Variants in GSE1 observed in about 807,000 individuals in gnomAD.
GSE1 encodes the protein Gse1 coiled-coil protein, also known as genetic suppressor element 1.
Under a neutral mutation model 112.6 loss-of-function variants are expected in GSE1, and 32 were observed. The observed-to-expected ratio is 0.28, with a 90% CI of 0.21 to 0.38. GSE1 has a LOEUF of 0.38. GSE1 is among the 10% of genes least tolerant of loss of function. The pLI is 1.00. For synonymous variants in GSE1, 1,115 were observed against 735.6 expected (o/e 1.52, Z -8.35); for missense variants, 2,348 against 1,699.2 (o/e 1.38, Z -6.71).
intron 1 of GSE1, among the ~76,000 whole-genome samples, chr16:85,294,649 C>G (rs367924912): frequency 8.5e-5 from 10 of 118,258 alleles, no homozygotes; most frequent in African/African-American, 1.8e-4. Flanking sequence ...CTCTCTCTCT[C>G]TCTCTCTCTG....
At chr16:85,268,584 GT>G (rs1267929699) in intron 1 of GSE1, among the ~76,000 whole-genome samples, 2 of 152,162 alleles carry the variant, frequency 1.3e-5, no homozygotes, top group Admixed American at 6.5e-5. Flanking sequence ...ATTAAACCCT[GT>G]CTGGCCATAA....
chr16:85,418,083 C>T (rs28497196), intron 2 of GSE1, among the ~76,000 whole-genome samples: 15,478 of 152,228 alleles, frequency 0.1, 1,128 homozygotes, highest in East Asian at 0.32. Flanking sequence ...GTGATCCACC[C>T]GCCTCAGCCT....
intron 1 of GSE1, among the ~76,000 whole-genome samples, chr16:85,263,017 A>C (rs1172225950): frequency 2.6e-5 from 4 of 152,228 alleles, no homozygotes. Flanking sequence ...AGGAATAGAT[A>C]AATAACACAC....
intron 1 of GSE1, among the ~76,000 whole-genome samples, chr16:85,173,200 A>G (rs554677507): frequency 2.8e-4 from 43 of 152,362 alleles, no homozygotes; most frequent in African/African-American, 1.0e-3. Context: ...GTTCCTTACC[A>G]TGGCGCTGCG....
intron 2 of GSE1, among the ~76,000 whole-genome samples, chr16:85,466,769 G>A (rs1203766460): frequency 6.6e-6 from 1 of 152,140 alleles, no homozygotes; most frequent in African/African-American, 2.4e-5. Flanking sequence ...GAAAGGAAGG[G>A]AGGAAGATGG....
chr16:85,245,705 C>A (rs545536512), intron 1 of GSE1, among the ~76,000 whole-genome samples: 13 of 152,196 alleles, frequency 8.5e-5, no homozygotes, highest in African/African-American at 2.2e-4. Context: ...AGATTGGGGA[C>A]CTTTAATAGA....
chr16:85,330,459 TC>T, intron 1 of GSE1, among the ~76,000 whole-genome samples: 1 of 152,178 alleles, frequency 6.6e-6, no homozygotes, highest in Admixed American at 6.5e-5. Context: ...ATTTCTGACC[TC>T]CCAAGAGGGT....
At chr16:85,513,868 A>G (rs1259305472) in intron 2 of GSE1, among the ~76,000 whole-genome samples, 1 of 151,982 alleles carries the variant, frequency 6.6e-6, no homozygotes, top group Non-Finnish European at 1.5e-5. Context: ...GCACGTGTAC[A>G]ATGCAGAAAT....
intron 2 of GSE1, among the ~76,000 whole-genome samples, chr16:85,505,811 G>C (rs1338473061): frequency 6.6e-6 from 1 of 152,032 alleles, no homozygotes; most frequent in Non-Finnish European, 1.5e-5. Flanking sequence ...GACCAGCTTG[G>C]GCAACATAGG....
chr16:85,577,379 G>A (rs2046271218), intron 1 of GSE1, among the ~76,000 whole-genome samples: 1 of 152,194 alleles, frequency 6.6e-6, no homozygotes, highest in South Asian at 2.1e-4. Context: ...TGCAAGGGTG[G>A]TGGAGGAAGT....
chr16:85,182,913 T>A (rs2074621098), intron 1 of GSE1, among the ~76,000 whole-genome samples: 1 of 151,850 alleles, frequency 6.6e-6, no homozygotes, highest in Non-Finnish European at 1.5e-5. Context: ...ACACGCACCT[T>A]GCACCTCCTT....
At position 85,503,435 on chromosome 16, in the gene GSE1, G is replaced by A. The variant is rs564009677; in HGVS notation, c.2465-130479G>A. Among the ~76,000 whole-genome samples, 7 of 152,226 alleles carry A rather than the reference G, an allele frequency of 4.6e-5. No homozygotes were observed. The East Asian group carries it at 5.8e-4, about 13-fold the overall frequency. On this transcript the variant is annotated intron_variant, in intron 2 of 2. Coordinates refer to the GSE1 transcript ENST00000637419. ...TCATGACCACCTAGTGAAGGACCTCGGCCTTGAGAGAACTCTGGGGCCTCT... is the reference window on the plus strand; with the variant it reads ...TCATGACCACCTAGTGAAGGACCTCAGCCTTGAGAGAACTCTGGGGCCTCT...
upstream of GSE1, among the ~76,000 whole-genome samples, chr16:85,553,676 C>T (rs75091722): frequency 1.2e-3 from 179 of 152,202 alleles, 1 homozygote; most frequent in African/African-American, 4.2e-3. Context: ...AGCGCCACCC[C>T]TCCCTTGGCT....
At chr16:85,470,768 G>A (rs1056399825) in intron 2 of GSE1, among the ~76,000 whole-genome samples, 1 of 152,086 alleles carries the variant, frequency 6.6e-6, no homozygotes, top group African/African-American at 2.4e-5. Context: ...CACAGCTGCT[G>A]GGGTGGAGAA....
At chr16:85,459,551 A>C (rs1243230940) in intron 2 of GSE1, among the ~76,000 whole-genome samples, 1 of 151,734 alleles carries the variant, frequency 6.6e-6, no homozygotes, top group Non-Finnish European at 1.5e-5. Flanking sequence ...CTGCCCTTTC[A>C]CTCCAGAGAG....
Position 85,603,771 on chromosome 16 carries a change from T to G in GSE1, c.38-44781T>G, listed in dbSNP as rs148408499. 5.9e-3 allele frequency among the ~76,000 whole-genome samples: 892 copies of G among 152,310 alleles called. 6 individuals are homozygous for G. The highest frequency in any genetic ancestry group is 0.02 in the African/African-American group (845 of 41,572). ...ATCCTCCCTCCTTGGCCTCCCAAAA[T>G]GCTGAGATTACAGGTGTGAGCCACT... On this transcript the variant is annotated intron_variant, in intron 1 of 2. Transcript: ENST00000635906.
chr16:85,624,358 C>T (rs941665221), intron 1 of GSE1, among the ~76,000 whole-genome samples: 5 of 152,162 alleles, frequency 3.3e-5, no homozygotes, highest in South Asian at 2.1e-4. Flanking sequence ...ACAGGGCACC[C>T]GGGGGCGGTT....
At chr16:85,566,483 G>T (rs1169876838) in intron 1 of GSE1, among the ~76,000 whole-genome samples, 1 of 152,236 alleles carries the variant, frequency 6.6e-6, no homozygotes, top group Non-Finnish European at 1.5e-5. Context: ...TGGGCCCCAG[G>T]AGTCACTGGA....
At chr16:85,525,517 G>A (rs1032267806) in intron 2 of GSE1, among the ~76,000 whole-genome samples, 1 of 152,212 alleles carries the variant, frequency 6.6e-6, no homozygotes, top group Admixed American at 6.5e-5. Flanking sequence ...CCAGCCAGCC[G>A]GCAGGCTTTC....
Sources: allele counts gnomAD v4.1 joint callset (sites outside exome capture counted in the v4.1 genomes callset), GRCh38; gene constraint gnomAD v4.1.1; transcripts MANE v1.5; gene names NCBI Gene and HGNC (gene_info 2026-07-23, HGNC 2026-07-21).